ADK: variants seen among roughly 807,000 people sequenced by gnomAD.
ADK encodes N6,N6-dimethyladenosine kinase.
Under a neutral mutation model 44.7 loss-of-function variants are expected in ADK, and 24 were observed. That is an observed-to-expected ratio of 0.54 (90% CI 0.39 to 0.76). The LOEUF is 0.76. Ranked by LOEUF, ADK falls within the 30% of genes least tolerant of loss-of-function variation. ADK has a pLI of 0.00. For synonymous variants in ADK, 128 were observed against 142.6 expected, an observed-to-expected ratio of 0.90 and a Z score of 0.73; for missense variants, 321 against 425.1, an observed-to-expected ratio of 0.76 and a Z score of 2.15.
At chr10:74,516,555 G>A (rs573551164) in intron 6 of ADK, among the ~76,000 whole-genome samples, 8 of 146,552 alleles carry the variant, frequency 5.5e-5, no homozygotes, top group East Asian at 2.0e-4. Flanking sequence ...ATGGAGTCGC[G>A]CCCTGTTGCC....
intron 3 of ADK, among the ~76,000 whole-genome samples, chr10:74,274,754 A>T (rs1846603474): frequency 7.6e-6 from 1 of 132,082 alleles, no homozygotes; most frequent in African/African-American, 2.8e-5. Context: ...ATATACACAC[A>T]CACATTATAT....
chr10:74,589,187 T>C, intron 7 of ADK, 95 bp from the exon 8 acceptor site: 1 of 1,085,426 alleles, frequency 9.2e-7, no homozygotes, highest in African/African-American at 1.6e-5. Flanking sequence ...GAGATAATTG[T>C]GTAAAGAAGA....
chr10:74,389,150 A>G (rs899229949), intron 4 of ADK, among the ~76,000 whole-genome samples: 1 of 152,222 alleles, frequency 6.6e-6, no homozygotes, highest in African/African-American at 2.4e-5. Context: ...TCATGGCCAG[A>G]GCAGAAGTTA....
rs1009753057 is a variant in ADK at position 74,257,771 on chromosome 10, GA to G, written c.194+33187del. Among the ~76,000 whole-genome samples the G allele has an allele frequency of 6.6e-5, 10 of 152,106 alleles. No individual in the cohort carries two copies. In the East Asian group the frequency reaches 1.2e-3, roughly 18 times the overall value. Reference sequence around the variant, plus strand: ...GTTTAGGCAATAAATTTAAACTATAGAAAAAAATGCAGTGTAACTTGTACTG... The same window carrying G: ...GTTTAGGCAATAAATTTAAACTATAGAAAAAATGCAGTGTAACTTGTACTG... On this transcript the variant is annotated intron_variant, in intron 3 of 10. Coordinates refer to ENST00000539909, the MANE Select transcript of ADK (RefSeq NM_006721.4).
At chr10:74,547,440 A>ATT (rs756212119) in intron 7 of ADK, among the ~76,000 whole-genome samples, 22 of 135,824 alleles carry the variant, frequency 1.6e-4, no homozygotes, top group African/African-American at 6.1e-4. Context: ...TTATATATAT[A>ATT]TATATATTTA....
intron 6 of ADK, among the ~76,000 whole-genome samples, chr10:74,419,330 C>CG (rs1053739571): frequency 3.9e-5 from 6 of 152,054 alleles, no homozygotes; most frequent in African/African-American, 1.4e-4. Context: ...TTTCCCCCCC[C>CG]CAAAAATCCC....
intron 6 of ADK, among the ~76,000 whole-genome samples, chr10:74,467,547 A>G (rs1846406835): frequency 6.6e-6 from 1 of 152,116 alleles, no homozygotes; most frequent in African/African-American, 2.4e-5. Flanking sequence ...TTTCTGCATC[A>G]CAATAAAGAG....
chr10:74,217,232 C>T (rs375135100), intron 2 of ADK, among the ~76,000 whole-genome samples: 115 of 152,350 alleles, frequency 7.5e-4, no homozygotes, highest in African/African-American at 2.4e-3. Context: ...GCACCTGGCT[C>T]GGAGGGTCCT....
At chr10:74,208,447 T>A (rs1843683017) in intron 2 of ADK, among the ~76,000 whole-genome samples, 1 of 152,250 alleles carries the variant, frequency 6.6e-6, no homozygotes, top group Admixed American at 6.5e-5. Context: ...TTGTTTTACA[T>A]GTTTTACTAG....
chr10:74,231,737 A>G (rs1347934183), intron 3 of ADK, among the ~76,000 whole-genome samples: 1 of 145,810 alleles, frequency 6.9e-6, no homozygotes, highest in African/African-American at 2.5e-5. Context: ...AAGGGCTGGG[A>G]TTACAGGTGT....
intron 4 of ADK, 109 bp from the exon 5 acceptor site, chr10:74,394,032 C>G: frequency 8.9e-7 from 1 of 1,117,736 alleles, no homozygotes; most frequent in South Asian, 1.2e-5. Context: ...TTCATAACAG[C>G]TACAGTTTCT....
chr10:74,508,329 T>G (rs1296515252), intron 6 of ADK: 1 of 152,198 alleles, frequency 6.6e-6, no homozygotes, highest in African/African-American at 2.4e-5. Flanking sequence ...AAGAGCATAC[T>G]TTTGTTCAGC....
chr10:74,455,622 G>C (rs1379156472), intron 6 of ADK, among the ~76,000 whole-genome samples: 1 of 151,974 alleles, frequency 6.6e-6, no homozygotes, highest in Non-Finnish European at 1.5e-5. Flanking sequence ...CAATTCTCCT[G>C]CCTCAGCTGC....
At chr10:74,336,642 G>A (rs1366055474) in intron 4 of ADK, among the ~76,000 whole-genome samples, 1 of 152,156 alleles carries the variant, frequency 6.6e-6, no homozygotes, top group East Asian at 1.9e-4. Flanking sequence ...AAAGTAAATA[G>A]AGAAAGGAAA....
At chr10:74,483,784 C>T (rs1847162337) in intron 6 of ADK, among the ~76,000 whole-genome samples, 1 of 152,194 alleles carries the variant, frequency 6.6e-6, no homozygotes, top group Non-Finnish European at 1.5e-5. Context: ...TGCTGCTAGT[C>T]TCTTTGCTAA....
At chr10:74,598,288 T>C (rs1006031837) in intron 8 of ADK, among the ~76,000 whole-genome samples, 2 of 151,516 alleles carry the variant, frequency 1.3e-5, no homozygotes, top group Non-Finnish European at 2.9e-5. Flanking sequence ...AGAATTATGT[T>C]TTGTACTTGG....
chr10:74,670,051 A>G (rs753300053), intron 9 of ADK, 132 bp from the exon 10 acceptor site: 1 of 767,870 alleles, frequency 1.3e-6, no homozygotes, highest in Non-Finnish European at 2.3e-6. Context: ...GTGCCCCTGT[A>G]CAGAATATGG....
At chr10:74,666,078 GTAT>G in intron 9 of ADK, among the ~76,000 whole-genome samples, 1 of 152,268 alleles carries the variant, frequency 6.6e-6, no homozygotes, top group East Asian at 1.9e-4. Flanking sequence ...AACTGGATTT[GTAT>G]TATTGTTCAA....
chr10:74,377,674 C>G (rs1361506298), intron 4 of ADK, among the ~76,000 whole-genome samples: 4 of 152,176 alleles, frequency 2.6e-5, no homozygotes, highest in Admixed American at 2.0e-4. Context: ...GGAGGGGAAT[C>G]TGGCCACAAC....
Sources: allele counts gnomAD v4.1 joint callset (sites outside exome capture counted in the v4.1 genomes callset), GRCh38; gene constraint gnomAD v4.1.1; transcripts MANE v1.5; gene names NCBI Gene and HGNC (gene_info 2026-07-23, HGNC 2026-07-21).